The following MIR2052HG variants were observed in gnomAD, a reference collection of about 807,000 sequenced individuals.
MIR2052HG encodes the protein MIR2052 host gene.
At chr8:74,744,184 C>T (rs962970304) in intron 4 of MIR2052HG, among the ~76,000 whole-genome samples, 55 of 151,874 alleles carry the variant, frequency 3.6e-4, no homozygotes, top group Non-Finnish European at 6.6e-4. Context: ...GATGAATCTT[C>T]GGGTTTGATT....
chr8:74,726,269 A>T (rs116598888), intron 4 of MIR2052HG, among the ~76,000 whole-genome samples: 1,702 of 152,278 alleles, frequency 0.011, 26 homozygotes, highest in African/African-American at 0.038. Context: ...TGAAAAACAG[A>T]CTCTAAAAGA....
chr8:74,617,094 A>G (rs187338953), intron 2 of MIR2052HG, among the ~76,000 whole-genome samples: 2 of 152,236 alleles, frequency 1.3e-5, no homozygotes, highest in African/African-American at 2.4e-5. Flanking sequence ...CTCTTTAAAC[A>G]TTTTTAATTT....
At chr8:74,662,493 T>G (rs1808876167) in intron 2 of MIR2052HG, among the ~76,000 whole-genome samples, 1 of 152,028 alleles carries the variant, frequency 6.6e-6, no homozygotes, top group Admixed American at 6.6e-5. Context: ...CATGCGGGGC[T>G]TAAAACCCAG....
At chr8:74,678,294 C>G (rs1157086291) in intron 2 of MIR2052HG, among the ~76,000 whole-genome samples, 1 of 152,092 alleles carries the variant, frequency 6.6e-6, no homozygotes, top group Non-Finnish European at 1.5e-5. Context: ...CGTGGTGGCT[C>G]AGGCCTGTAA....
intron 4 of MIR2052HG, among the ~76,000 whole-genome samples, chr8:74,716,002 C>A (rs1455496117): frequency 3.3e-5 from 5 of 152,142 alleles, no homozygotes; most frequent in Admixed American, 6.6e-5. Flanking sequence ...ATGAAAGAAT[C>A]AAATGCAAAT....
intron 4 of MIR2052HG, among the ~76,000 whole-genome samples, chr8:74,738,154 T>C (rs1809790193): frequency 6.7e-6 from 1 of 149,498 alleles, no homozygotes; most frequent in East Asian, 1.9e-4. Flanking sequence ...TCTATCCATC[T>C]ACCTATCTAT....
chr8:74,694,541 A>G (rs1169576011), intron 2 of MIR2052HG, among the ~76,000 whole-genome samples: 1 of 152,244 alleles, frequency 6.6e-6, no homozygotes, highest in African/African-American at 2.4e-5. Context: ...AGAATTCAGA[A>G]GGTTGATTAT....
chr8:74,642,255 G>A (rs1808646199), intron 2 of MIR2052HG, among the ~76,000 whole-genome samples: 1 of 151,936 alleles, frequency 6.6e-6, no homozygotes, highest in Non-Finnish European at 1.5e-5. Context: ...TGGTTAATGT[G>A]CGCGGTTTCC....
intron 2 of MIR2052HG, among the ~76,000 whole-genome samples, chr8:74,689,782 C>T (rs1461753222): frequency 2.6e-5 from 4 of 152,190 alleles, no homozygotes; most frequent in Admixed American, 2.6e-4. Context: ...TTGACAAACG[C>T]TATGATTTAT....
At chr8:74,636,421 T>C (rs1161601772) in intron 2 of MIR2052HG, among the ~76,000 whole-genome samples, 1 of 152,114 alleles carries the variant, frequency 6.6e-6, no homozygotes. Context: ...GTTCCATATA[T>C]AAATTTATGC....
exon 5 of MIR2052HG, chr8:74,752,477 T>C (rs1217237040): frequency 4.4e-6 from 2 of 455,994 alleles, no homozygotes; most frequent in East Asian, 1.4e-4. Context: ...CAACACATTC[T>C]CCAAACTCAT....
chr8:74,699,926 T>C (rs1809341412), intron 2 of MIR2052HG, among the ~76,000 whole-genome samples: 1 of 152,180 alleles, frequency 6.6e-6, no homozygotes, highest in Non-Finnish European at 1.5e-5. Flanking sequence ...TAACTAACTA[T>C]AGTTGTGGAA....
At chr8:74,726,342 C>G (rs563971205) in intron 4 of MIR2052HG, among the ~76,000 whole-genome samples, 2 of 152,252 alleles carry the variant, frequency 1.3e-5, no homozygotes, top group South Asian at 2.1e-4. Context: ...CAAAAATAGA[C>G]TTGGTGTGAT....
chr8:74,690,509 G>A (rs1809228333), intron 2 of MIR2052HG, among the ~76,000 whole-genome samples: 1 of 151,940 alleles, frequency 6.6e-6, no homozygotes, highest in Non-Finnish European at 1.5e-5. Flanking sequence ...GTCGTGCGTG[G>A]TGGTGGCGGG....
intron 2 of MIR2052HG, among the ~76,000 whole-genome samples, chr8:74,644,724 C>T (rs1247978458): frequency 6.6e-6 from 1 of 151,800 alleles, no homozygotes; most frequent in Non-Finnish European, 1.5e-5. Context: ...AACCCTGTCT[C>T]TACAATAAAT....
chr8:74,754,005 G>A (rs1809974842), intron 5 of MIR2052HG, among the ~76,000 whole-genome samples: 1 of 152,182 alleles, frequency 6.6e-6, no homozygotes, highest in Non-Finnish European at 1.5e-5. Flanking sequence ...AAAGGGAGAA[G>A]CATCATAGAT....
chr8:74,741,678 G>A (rs751469064), intron 4 of MIR2052HG, among the ~76,000 whole-genome samples: 4 of 151,938 alleles, frequency 2.6e-5, no homozygotes, highest in Non-Finnish European at 5.9e-5. Context: ...CTGAACTCAC[G>A]GCCAACAGCA....
intron 2 of MIR2052HG, among the ~76,000 whole-genome samples, chr8:74,676,362 T>C (rs914372659): frequency 9.9e-5 from 15 of 151,416 alleles, no homozygotes; most frequent in Non-Finnish European, 1.5e-5. Context: ...TTGAGAGTAG[T>C]TTCATTGCAG....
chr8:74,666,230 G>A lies in MIR2052HG; in HGVS notation n.217-36149G>A, dbSNP rs181712909. ...CCTCTTTTTTTTTCTCTTATAATCC[G>A]TTCCCCACAAAGCGTCCAGAGACAT... On this transcript the variant is annotated intron_variant and non_coding_transcript_variant, in intron 2 of 6. Transcript: ENST00000523442. Among the ~76,000 whole-genome samples, 91 of 151,512 alleles carry A rather than the reference G, an allele frequency of 6.0e-4. 1 individual carries two copies. The highest frequency in any genetic ancestry group is 6.3e-4 in the Non-Finnish European group (43 of 67,932).
Sources: gnomAD v4.1 joint callset for allele counts (sites outside exome capture counted in the v4.1 genomes callset) on GRCh38, gnomAD v4.1.1 for gene constraint, MANE v1.5 for transcripts, NCBI Gene and HGNC (gene_info 2026-07-23, HGNC 2026-07-21) for gene names.